Variants in TAF1B observed in about 807,000 individuals in gnomAD.
TAF1B encodes TATA box-binding protein-associated factor RNA polymerase I subunit B.
Under a neutral mutation model 83.9 loss-of-function variants are expected in TAF1B, and 61 were observed. That is an observed-to-expected ratio of 0.73 (90% CI 0.59 to 0.90). The LOEUF (loss-of-function observed/expected upper bound fraction) is 0.90, where lower values mean the gene tolerates loss of function less well. Ranked by LOEUF, TAF1B falls within the 40% of genes least tolerant of loss-of-function variation. The probability of loss-of-function intolerance (pLI) is 0.00; values close to 1 mark genes in which losing one functional copy is unlikely to be tolerated. For missense variants in TAF1B, 625 were observed against 677.0 expected, an observed-to-expected ratio of 0.92 and a Z score of 0.85; for synonymous variants, 221 against 224.6, an observed-to-expected ratio of 0.98 and a Z score of 0.14.
chr2:9,912,741 A>G (rs116545353), intron 11 of TAF1B, among the ~76,000 whole-genome samples: 216 of 152,278 alleles, frequency 1.4e-3, no homozygotes, highest in African/African-American at 4.9e-3. Context: ...TGAGGTTTAG[A>G]AAAGTTGTGA....
intron 14 of TAF1B, among the ~76,000 whole-genome samples, chr2:9,920,514 C>T (rs1665841631): frequency 6.9e-6 from 1 of 145,724 alleles, no homozygotes; most frequent in African/African-American, 2.6e-5. Flanking sequence ...GCATCCCTGG[C>T]CAAAACAAGT....
intron 6 of TAF1B, among the ~76,000 whole-genome samples, chr2:9,873,900 T>G (rs773235892): frequency 6.6e-6 from 1 of 152,080 alleles, no homozygotes; most frequent in Non-Finnish European, 1.5e-5. Flanking sequence ...CGTAACTCCA[T>G]TCTTCCCTCA....
intron 5 of TAF1B, among the ~76,000 whole-genome samples, chr2:9,855,810 C>G (rs1046496476): frequency 6.6e-6 from 1 of 152,140 alleles, no homozygotes; most frequent in African/African-American, 2.4e-5. Flanking sequence ...AATACAAAAC[C>G]TATTTTATAA....
chr2:9,920,586 C>CGG (rs139852104), intron 14 of TAF1B, among the ~76,000 whole-genome samples: 2,323 of 113,272 alleles, frequency 0.021, 89 homozygotes, highest in African/African-American at 0.077. Flanking sequence ...GGGCGGGGGG[C>CGG]GGGGGGTCCA....
chr2:9,896,939 G>C (rs368797431), intron 8 of TAF1B, among the ~76,000 whole-genome samples: 2 of 152,178 alleles, frequency 1.3e-5, no homozygotes, highest in East Asian at 3.8e-4. Context: ...TTTCTGAGTT[G>C]TGATTCCTGA....
In TAF1B at chr2:9,934,100, ACACATATT is replaced by A; in HGVS notation, c.*117_*124del. Reference sequence around the variant, plus strand: ...ACTGCATATATATGTATAGACTCTGACACATATTTACATATATATCAAGTGTGCTTAGA... The same window carrying A: ...ACTGCATATATATGTATAGACTCTGATACATATATATCAAGTGTGCTTAGA... On this transcript the variant is annotated 3_prime_UTR_variant, in exon 15 of 15. Coordinates refer to ENST00000263663, the MANE Select transcript of TAF1B (RefSeq NM_005680.3). 1.3e-6 allele frequency: 1 copy of A among 785,798 alleles called. No homozygotes were observed. The highest frequency in any genetic ancestry group is 2.0e-6 in the Non-Finnish European group (1 of 502,150). 48.7% of individuals were successfully genotyped at this position (785,798 alleles called of 1,614,324 possible). A position where few individuals can be genotyped will look rare whatever the true frequency, so the allele number is the denominator to read the frequency against.
chr2:9,926,742 G>A (rs1239154873), intron 14 of TAF1B, among the ~76,000 whole-genome samples: 1 of 150,420 alleles, frequency 6.6e-6, no homozygotes, highest in Non-Finnish European at 1.5e-5. Flanking sequence ...GGGGGGCTGA[G>A]GCAGGAGAAT....
intron 5 of TAF1B, among the ~76,000 whole-genome samples, chr2:9,866,602 T>G (rs1274157763): frequency 1.3e-5 from 2 of 152,174 alleles, no homozygotes; most frequent in Non-Finnish European, 2.9e-5. Context: ...ACCCAAAGGA[T>G]TATAAGTCAT....
intron 6 of TAF1B, among the ~76,000 whole-genome samples, chr2:9,873,100 C>T (rs950554792): frequency 2.6e-5 from 4 of 152,190 alleles, no homozygotes; most frequent in Admixed American, 2.6e-4. Context: ...CAAATCATTT[C>T]ACTGGGATGA....
intron 9 of TAF1B, among the ~76,000 whole-genome samples, chr2:9,908,695 A>C (rs1665425177): frequency 6.6e-6 from 1 of 152,192 alleles, no homozygotes; most frequent in South Asian, 2.1e-4. Flanking sequence ...CCAGGAGTAA[A>C]TTCAGGTGAC....
At position 9,914,844 on chromosome 2, in the gene TAF1B, C is replaced by A. The variant is rs1476417910; in HGVS notation, c.1271+1595C>A. On this transcript the variant is annotated intron_variant, in intron 12 of 14. Coordinates refer to ENST00000263663, the MANE Select transcript of TAF1B (RefSeq NM_005680.3). This position sits in a 1 kb window ranked among gnomAD's most constrained non-coding sequence, Gnocchi z 4.3. ...CTGCTGAGTAATATGCGAAGCACTA[C>A]CAACTGCTGCTCAGGCCCAGAGCTC... Among the ~76,000 whole-genome samples the A allele has an allele frequency of 6.6e-6, 1 of 152,170 alleles. No individual in the cohort carries two copies. Among genetic ancestry groups the A allele is most frequent in the African/African-American group, 2.4e-5 (1 of 41,438 alleles).
chr2:9,918,260 AC>A, intron 12 of TAF1B, among the ~76,000 whole-genome samples: 1 of 152,206 alleles, frequency 6.6e-6, no homozygotes, highest in Non-Finnish European at 1.5e-5. Context: ...CCAAGAATGA[AC>A]CTTGTTGTCT....
chr2:9,930,496 G>C (rs1481232091), intron 14 of TAF1B, among the ~76,000 whole-genome samples: 1 of 152,198 alleles, frequency 6.6e-6, no homozygotes, highest in Admixed American at 6.5e-5. Flanking sequence ...TCTTAATCCT[G>C]AGTTCTAATT....
intron 5 of TAF1B, 143 bp downstream of exon 5, chr2:9,854,564 A>G: frequency 1.7e-6 from 1 of 603,074 alleles, no homozygotes; most frequent in Non-Finnish European, 2.9e-6. Context: ...GTTACAGTCT[A>G]GAGGACGGGG....
intron 14 of TAF1B, among the ~76,000 whole-genome samples, chr2:9,929,518 A>G (rs916526482): frequency 1.3e-5 from 2 of 152,176 alleles, no homozygotes; most frequent in African/African-American, 4.8e-5. Context: ...CCAGCCTTCC[A>G]TCCCAGGGAT....
chr2:9,932,889 C>T lies in TAF1B; in HGVS notation c.1566-894C>T, dbSNP rs945726377. Among the ~76,000 whole-genome samples the T allele has an allele frequency of 2.6e-5, 4 of 152,334 alleles. No homozygotes were observed. The East Asian group carries it at 7.7e-4, about 29-fold the overall frequency. ...CAAGCCTCAGCAATGGTGGACGCCCCTCCGCCTGCCAGGCTGCTGCCTCGC... is the reference window on the plus strand; with the variant it reads ...CAAGCCTCAGCAATGGTGGACGCCCTTCCGCCTGCCAGGCTGCTGCCTCGC... On this transcript the variant is annotated intron_variant, in intron 14 of 14. Coordinates refer to ENST00000263663, the MANE Select transcript of TAF1B (RefSeq NM_005680.3).
intron 6 of TAF1B, among the ~76,000 whole-genome samples, chr2:9,875,468 A>G (rs1664295241): frequency 6.6e-6 from 1 of 152,214 alleles, no homozygotes; most frequent in South Asian, 2.1e-4. Flanking sequence ...ATTTATACAG[A>G]AAAAGAGGTT....
At chr2:9,890,926 A>C (rs1032729305) in intron 8 of TAF1B, among the ~76,000 whole-genome samples, 3 of 151,854 alleles carry the variant, frequency 2.0e-5, no homozygotes, top group Admixed American at 2.0e-4. Context: ...ATGCGCCACC[A>C]ATCCTGGCTA....
At chr2:9,924,535 C>G (rs1182940368) in intron 14 of TAF1B, among the ~76,000 whole-genome samples, 1 of 152,206 alleles carries the variant, frequency 6.6e-6, no homozygotes, top group Non-Finnish European at 1.5e-5. Flanking sequence ...CACATCCCTG[C>G]TTCAGCACAG....
Sources: gnomAD v4.1 joint callset for allele counts (sites outside exome capture counted in the v4.1 genomes callset) on GRCh38, gnomAD v4.1.1 for gene constraint, Gnocchi (gnomAD v3.1) non-coding constraint, MANE v1.5 for transcripts, NCBI Gene and HGNC (gene_info 2026-07-23, HGNC 2026-07-21) for gene names.